The following DACH1 variants were observed in gnomAD, a reference collection of about 807,000 sequenced individuals.
The protein encoded by DACH1 is dachshund homolog 1.
DACH1 carries 12 observed loss-of-function variants against 54.2 expected under a neutral mutation model. The ratio of observed to expected loss-of-function variants is 0.22; its 90% CI spans 0.14 to 0.36. The LOEUF (loss-of-function observed/expected upper bound fraction) is 0.36, where lower values mean the gene tolerates loss of function less well. Ranked by LOEUF, DACH1 falls within the 10% of genes least tolerant of loss-of-function variation. The pLI is 1.00. For synonymous variants in DACH1, 386 were observed against 366.2 expected (o/e 1.05, Z -0.62); for missense variants, 805 against 929.8 (o/e 0.87, Z 1.75).
intron 10 of DACH1, among the ~76,000 whole-genome samples, chr13:71,464,217 C>CA (rs1335210685): frequency 6.6e-6 from 1 of 151,624 alleles, no homozygotes; most frequent in Non-Finnish European, 1.5e-5. Flanking sequence ...ATAAAAATAA[C>CA]ATTGTCATTA....
At chr13:71,823,042 G>A (rs994626200) in intron 1 of DACH1, among the ~76,000 whole-genome samples, 3 of 151,974 alleles carry the variant, frequency 2.0e-5, no homozygotes, top group Non-Finnish European at 2.9e-5. Flanking sequence ...ACACAAAAGC[G>A]GTGGCATGCC....
At chr13:71,753,531 A>T (rs879344172) in intron 1 of DACH1, among the ~76,000 whole-genome samples, 5 of 152,180 alleles carry the variant, frequency 3.3e-5, no homozygotes, top group Admixed American at 3.3e-4. Context: ...GCTTACCAAG[A>T]TATATAAATA....
intron 1 of DACH1, among the ~76,000 whole-genome samples, chr13:71,723,991 T>C (rs1883359321): frequency 1.3e-5 from 2 of 152,158 alleles, no homozygotes; most frequent in African/African-American, 4.8e-5. Flanking sequence ...GCACCTGGCC[T>C]GTTTTGTATT....
intron 1 of DACH1, among the ~76,000 whole-genome samples, chr13:71,819,645 T>C (rs1888109891): frequency 6.6e-6 from 1 of 152,128 alleles, no homozygotes; most frequent in Non-Finnish European, 1.5e-5. Context: ...CACATTCCAT[T>C]CTCCACTACT....
intron 1 of DACH1, among the ~76,000 whole-genome samples, chr13:71,768,199 C>A (rs1313555082): frequency 6.6e-6 from 1 of 152,050 alleles, no homozygotes; most frequent in African/African-American, 2.4e-5. Flanking sequence ...ATTAATTCTA[C>A]CTTCATCGTC....
intron 6 of DACH1, among the ~76,000 whole-genome samples, chr13:71,552,795 ATAT>A: frequency 1.0e-4 from 1 of 9,766 alleles, no homozygotes; most frequent in Non-Finnish European, 1.8e-4. Flanking sequence ...GGATGTGAAT[ATAT>A]ATATATATAT....
At chr13:71,811,640 C>G (rs1425541422) in intron 1 of DACH1, among the ~76,000 whole-genome samples, 4 of 152,144 alleles carry the variant, frequency 2.6e-5, no homozygotes, top group African/African-American at 9.7e-5. Context: ...CTTTGGGTTC[C>G]TCAAGCCAGG....
At chr13:71,791,687 G>T (rs945723379) in intron 1 of DACH1, among the ~76,000 whole-genome samples, 1 of 152,120 alleles carries the variant, frequency 6.6e-6, no homozygotes, top group African/African-American at 2.4e-5. Context: ...CCTGGCCTGA[G>T]TGTGGAACTA....
At chr13:71,798,999 T>G (rs1362085213) in intron 1 of DACH1, among the ~76,000 whole-genome samples, 2 of 152,092 alleles carry the variant, frequency 1.3e-5, no homozygotes, top group African/African-American at 2.4e-5. Flanking sequence ...CACACTTAAT[T>G]GATCTCTTTA....
At chr13:71,513,333 C>A (rs915754710) in intron 6 of DACH1, among the ~76,000 whole-genome samples, 1 of 151,742 alleles carries the variant, frequency 6.6e-6, no homozygotes, top group East Asian at 1.9e-4. Context: ...TAGCAGAAAC[C>A]AAATTAATGA....
intron 1 of DACH1, among the ~76,000 whole-genome samples, chr13:71,856,913 T>C (rs1244095957): frequency 6.6e-6 from 1 of 151,900 alleles, no homozygotes; most frequent in Non-Finnish European, 1.5e-5. Flanking sequence ...CTCATCTCAT[T>C]GATGGCAAAG....
chr13:71,591,569 T>C (rs1873712623), intron 3 of DACH1, among the ~76,000 whole-genome samples: 1 of 152,204 alleles, frequency 6.6e-6, no homozygotes, highest in Admixed American at 6.5e-5. Flanking sequence ...GCATTCACCC[T>C]GTTGTGATGA....
At chr13:71,445,594 A>C (rs1178213149) in intron 10 of DACH1, among the ~76,000 whole-genome samples, 1 of 152,198 alleles carries the variant, frequency 6.6e-6, no homozygotes, top group Non-Finnish European at 1.5e-5. Flanking sequence ...CACCGGAGGC[A>C]GAAATGCACC....
chr13:71,772,540 T>A (rs1033680291), intron 1 of DACH1, among the ~76,000 whole-genome samples: 3 of 151,760 alleles, frequency 2.0e-5, no homozygotes, highest in African/African-American at 4.8e-5. Flanking sequence ...AGCATCACTT[T>A]AATCTCCTAG....
intron 3 of DACH1, among the ~76,000 whole-genome samples, chr13:71,620,132 C>A (rs1374488114): frequency 6.6e-6 from 1 of 151,864 alleles, no homozygotes; most frequent in South Asian, 2.1e-4. Context: ...CTTATATTAT[C>A]TGATAGACCC....
intron 1 of DACH1, among the ~76,000 whole-genome samples, chr13:71,843,493 G>T (rs1487728175): frequency 6.6e-6 from 1 of 152,048 alleles, no homozygotes. Context: ...TTGAACTCCA[G>T]GGCTCAAACA....
chr13:71,770,759 T>C (rs1885819170), intron 1 of DACH1, among the ~76,000 whole-genome samples: 2 of 151,638 alleles, frequency 1.3e-5, no homozygotes, highest in African/African-American at 4.8e-5. Context: ...CTAAATCTAG[T>C]AAATTCCATG....
At chr13:71,472,691 G>A (rs957457579) in intron 10 of DACH1, among the ~76,000 whole-genome samples, 2 of 152,208 alleles carry the variant, frequency 1.3e-5, no homozygotes, top group African/African-American at 4.8e-5. Flanking sequence ...TGATGAGTGT[G>A]AGAGGCTGTG....
At chr13:71,613,345 T>A (rs925174663) in intron 3 of DACH1, among the ~76,000 whole-genome samples, 1 of 152,154 alleles carries the variant, frequency 6.6e-6, no homozygotes, top group Non-Finnish European at 1.5e-5. Context: ...TGAGGAGCAT[T>A]CCACTTTATG....
Sources: allele counts gnomAD v4.1 joint callset (sites outside exome capture counted in the v4.1 genomes callset), GRCh38; gene constraint gnomAD v4.1.1; transcripts MANE v1.5; gene names NCBI Gene and HGNC (gene_info 2026-07-23, HGNC 2026-07-21).